The following PARVG variants were observed in gnomAD, a reference collection of about 807,000 sequenced individuals.
PARVG encodes the protein parvin gamma.
A neutral mutation model predicts 44.4 loss-of-function variants in PARVG; 36 were observed. The observed-to-expected ratio is 0.81, with a 90% CI of 0.62 to 1.07. PARVG has a LOEUF of 1.07. Among genes scored for constraint, PARVG ranks in the 50% least tolerant of loss-of-function variants. The pLI is 0.00. For synonymous variants in PARVG, 170 were observed against 174.1 expected (o/e 0.98, Z 0.19); for missense variants, 407 against 407.4 (o/e 1.00, Z 0.01).
chr22:44,185,956 C>T, intron 4 of PARVG, 84 bp downstream of exon 4: 2 of 1,363,744 alleles, frequency 1.5e-6, no homozygotes, highest in Non-Finnish European at 2.1e-6. Flanking sequence ...GGACAGCAGG[C>T]TGTCCCCACT....
At chr22:44,175,359 C>T (rs949795929) in intron 1 of PARVG, among the ~76,000 whole-genome samples, 6 of 152,278 alleles carry the variant, frequency 3.9e-5, no homozygotes, top group African/African-American at 1.4e-4. Context: ...CTGAGAATCT[C>T]GAGAAGGAAG....
chr22:44,187,815 C>A lies in PARVG; in HGVS notation c.184C>A (p.His62Asn), dbSNP rs759480518. The A allele has an allele frequency of 2.4e-5, 39 of 1,614,158 alleles. No individual in the cohort carries two copies. The highest frequency in any genetic ancestry group is 3.3e-5 in the Non-Finnish European group (39 of 1,180,060). ...GATCAATGCCACTCTTCTCCCCGAG[C>A]ACATTGTGGTCCGCAGCCTGGAGGA... is the stretch of plus-strand genomic sequence containing the variant. The part of the protein sequence containing the change: ...EWINATLLPE[H>N]IVVRSLEEDM... Residue 62 changes from histidine (H) to asparagine (N), a missense_variant, in exon 5 of 14, where the codon CAC becomes AAC. His to Asn is a moderately conservative substitution (Grantham distance 68). Coordinates refer to ENST00000444313, the MANE Select transcript of PARVG (RefSeq NM_022141.7).
upstream of PARVG, among the ~76,000 whole-genome samples, chr22:44,176,475 A>G (rs2054319911): frequency 6.6e-6 from 1 of 152,160 alleles, no homozygotes; most frequent in South Asian, 2.1e-4. Context: ...TGGAGGGCCA[A>G]CTGTACTCAA....
In PARVG at chr22:44,206,352, G is replaced by T; in HGVS notation, c.922G>T (p.Val308Leu). 1 of 1,613,942 alleles carries T rather than the reference G, an allele frequency of 6.2e-7. No individual in the cohort carries two copies. Among genetic ancestry groups the T allele is most frequent in the South Asian group, 1.1e-5 (1 of 91,080 alleles). Reference protein sequence around the residue: ...VNKDAKSTLRVLYGLFCKHTQ... With the variant: ...VNKDAKSTLRLLYGLFCKHTQ... ...CAAGGATGCCAAGAGCACACTGAGGGTGCTCTATGGTCTGTTCTGCAAGCA... is the reference window on the plus strand; with the variant it reads ...CAAGGATGCCAAGAGCACACTGAGGTTGCTCTATGGTCTGTTCTGCAAGCA... The change falls in exon 14 of 14, where the codon GTG becomes TTG. Residue 308 changes from valine to leucine, a missense_variant. By Grantham distance (32) the Val-to-Leu change is conservative. Coordinates refer to ENST00000444313, the MANE Select transcript of PARVG (RefSeq NM_022141.7).
rs560352229 is a variant in PARVG, at chr22:44,174,569, A to C, written c.-189+1378A>C. Among the ~76,000 whole-genome samples the C allele has an allele frequency of 8.2e-3, 1,168 of 142,418 alleles. 9 individuals are homozygous for C. The highest frequency in any genetic ancestry group is 0.011 in the Non-Finnish European group (708 of 64,692). 93.4% of individuals were successfully genotyped at this position (142,418 alleles called of 152,430 possible). On this transcript the variant is annotated intron_variant, in intron 1 of 13. Transcript: ENST00000422871. ...TAAAAACAAACAAACAAAAAAAAAA[A>C]CCCACAAAAAATAAAAATTAGCTGG... is the stretch of plus-strand genomic sequence containing the variant.
intron 12 of PARVG, among the ~76,000 whole-genome samples, chr22:44,199,245 C>T (rs1432736857): frequency 6.6e-6 from 1 of 152,026 alleles, no homozygotes; most frequent in Non-Finnish European, 1.5e-5. Flanking sequence ...TGTCTACCCA[C>T]CCATAGGAAG....
Position 44,198,925 on chromosome 22 carries a change from C to A in PARVG, c.813+203C>A, listed in dbSNP as rs1356084212. On this transcript the variant is annotated intron_variant, in intron 12 of 13. Transcript: ENST00000444313. ...ATCCATCTACCCATCCATCCATCTA[C>A]CCATCCATCCATCCACCCACCCATC... Among the ~76,000 whole-genome samples the A allele has an allele frequency of 3.2e-4, 15 of 46,316 alleles. No individual in the cohort carries two copies. In the East Asian group the frequency reaches 6.5e-3, roughly 20 times the overall value. The allele number at this position is 46,316 out of a possible 152,430, so 30.4% of individuals were successfully genotyped here.
Position 44,198,679 on chromosome 22 carries a change from A to C in PARVG, c.770A>C (p.His257Pro). Residue 257 changes from histidine (H) to proline (P), a missense_variant, in exon 12 of 14, where the codon CAC becomes CCC. Coordinates refer to ENST00000444313, the MANE Select transcript of PARVG (RefSeq NM_022141.7). Reference sequence around the variant, plus strand: ...GGACAACTTGAAGGCTTCTTCCTGCACTTAAAGGAATTCTACCTCACTCCC... The same window carrying C: ...GGACAACTTGAAGGCTTCTTCCTGCCCTTAAAGGAATTCTACCTCACTCCC... ...LIGQLEGFFL[H>P]LKEFYLTPNS... 2 of 1,613,942 alleles carry C rather than the reference A, an allele frequency of 1.2e-6. No individual in the cohort carries two copies. The highest frequency in any genetic ancestry group is 1.1e-5 in the South Asian group (1 of 91,078).
At chr22:44,202,341 G>A (rs760078080) in intron 12 of PARVG, among the ~76,000 whole-genome samples, 2 of 152,174 alleles carry the variant, frequency 1.3e-5, no homozygotes, top group Non-Finnish European at 2.9e-5. Flanking sequence ...GCGGAGGAAG[G>A]GGGCAGGCAG....
chr22:44,185,748 G>A lies in PARVG; in HGVS notation c.80-60G>A, dbSNP rs191314658. On this transcript the variant is annotated intron_variant, in intron 3 of 13. Transcript: ENST00000444313. ...CTGAAATCTGTGGGTGACCTGCAGG[G>A]AGTGTGGCCAAGCGCCCCACAGGGT... The A allele has an allele frequency of 5.6e-6, 8 of 1,435,668 alleles. No individual in the cohort carries two copies. The Admixed American group carries it at 1.2e-4, about 22-fold the overall frequency. The allele number at this position is 1,435,668 out of a possible 1,614,324, so 88.9% of individuals were successfully genotyped here. A position where few individuals can be genotyped will look rare whatever the true frequency, so the allele number is the denominator to read the frequency against.
upstream of PARVG, among the ~76,000 whole-genome samples, chr22:44,179,423 G>A (rs1214105610): frequency 2.0e-5 from 3 of 152,238 alleles, no homozygotes; most frequent in Admixed American, 6.5e-5. The surrounding 1 kb of genome is among the most constrained non-coding windows in gnomAD (Gnocchi z 4.2). Flanking sequence ...CATACCTTGA[G>A]CTGAGAATGT....
upstream of PARVG, among the ~76,000 whole-genome samples, chr22:44,179,658 C>T (rs1402738561): frequency 1.3e-5 from 2 of 152,118 alleles, no homozygotes; most frequent in African/African-American, 4.8e-5. This position sits in a 1 kb window ranked among gnomAD's most constrained non-coding sequence, Gnocchi z 4.2. Flanking sequence ...TACTAGGTCC[C>T]CACTGCCTTT....
rs367762950 is a variant in PARVG at position 44,196,434 on chromosome 22, C to T, written c.711+19C>T. On this transcript the variant is annotated intron_variant, in intron 11 of 13. Transcript: ENST00000444313. ...CACCCAGGTAGGGACTGAGCTGCGG[C>T]GTCCCCAGGCAGGGCAGGGCCACTG... 518 of 1,613,634 alleles carry T rather than the reference C, an allele frequency of 3.2e-4. No individual in the cohort carries two copies. Among genetic ancestry groups the T allele is most frequent in the South Asian group, 6.7e-4 (61 of 91,076 alleles).
intron 1 of PARVG, among the ~76,000 whole-genome samples, chr22:44,175,011 A>G (rs1487971223): frequency 6.6e-6 from 1 of 152,218 alleles, no homozygotes; most frequent in Non-Finnish European, 1.5e-5. Flanking sequence ...AATCCCAGCT[A>G]CTAGGGAGGC....
intron 7 of PARVG, 35 bp downstream of exon 7, chr22:44,190,701 A>G (rs1462250315): frequency 1.3e-6 from 2 of 1,556,976 alleles, no homozygotes; most frequent in African/African-American, 2.7e-5. Context: ...TGTAAGCAGA[A>G]GCTGAGCCTC....
intron 12 of PARVG, among the ~76,000 whole-genome samples, chr22:44,201,065 T>TC (rs903009373): frequency 4.0e-5 from 6 of 151,778 alleles, no homozygotes; most frequent in East Asian, 1.9e-4. Flanking sequence ...GGCCTGGTCC[T>TC]CCCCCATTCC....
At chr22:44,190,238 T>C (rs1407842335) in intron 6 of PARVG, among the ~76,000 whole-genome samples, 1 of 152,202 alleles carries the variant, frequency 6.6e-6, no homozygotes, top group East Asian at 1.9e-4. Context: ...TAATGATCGT[T>C]CAGCCAGTGC....
In PARVG at chr22:44,181,738, G is replaced by A. The variant is rs1229950577; in HGVS notation, c.-188-4G>A. On this transcript the variant is annotated splice_polypyrimidine_tract_variant and splice_region_variant and intron_variant, in intron 1 of 13. Coordinates refer to ENST00000444313, the MANE Select transcript of PARVG (RefSeq NM_022141.7). ...GCATCCACCCCCCTCGGGCCCTGCC[G>A]CAGAGAGGAGGAAGCTCCTGCCGGC... 10 of 985,414 alleles carry A rather than the reference G, an allele frequency of 1.0e-5. No homozygotes were observed. Among genetic ancestry groups the A allele is most frequent in the African/African-American group, 1.7e-5 (1 of 57,336 alleles). The allele number at this position is 985,414 out of a possible 1,614,324, so 61.0% of individuals were successfully genotyped here.
In PARVG at chr22:44,183,308, C is replaced by G. The variant is rs1302222302; in HGVS notation, c.-12-10C>G. 6.2e-7 allele frequency: 1 copy of G among 1,600,494 alleles called. No individual in the cohort carries two copies. Among genetic ancestry groups the G allele is most frequent in the Non-Finnish European group, 8.5e-7 (1 of 1,175,420 alleles). On this transcript the variant is annotated splice_polypyrimidine_tract_variant and intron_variant, in intron 2 of 13. Coordinates refer to ENST00000444313, the MANE Select transcript of PARVG (RefSeq NM_022141.7). ...AGACCGTGACGCCCTCTCCTGCCTC[C>G]TCTGTGCAGGCTTGGGAGGCGATGG...
Sources: allele counts gnomAD v4.1 joint callset (sites outside exome capture counted in the v4.1 genomes callset), GRCh38; gene constraint gnomAD v4.1.1; non-coding constraint Gnocchi (gnomAD v3.1); transcripts MANE v1.5; gene names NCBI Gene and HGNC (gene_info 2026-07-23, HGNC 2026-07-21).